The following IL26 variants were observed in gnomAD, a reference collection of about 807,000 sequenced individuals.
IL26 encodes the protein interleukin-26.
Under a neutral mutation model 21.7 loss-of-function variants are expected in IL26, and 23 were observed. The observed-to-expected ratio is 1.06, with a 90% CI of 0.76 to 1.50. The LOEUF is 1.50. IL26 is among the 40% of genes most tolerant of loss of function. The pLI is 0.00. For missense variants in IL26, 204 were observed against 196.0 expected (o/e 1.04, Z -0.24); for synonymous variants, 63 against 67.8 (o/e 0.93, Z 0.34).
At chr12:68,207,661 T>C (rs1868581249) in intron 3 of IL26, among the ~76,000 whole-genome samples, 1 of 152,176 alleles carries the variant, frequency 6.6e-6, no homozygotes, top group African/African-American at 2.4e-5. Flanking sequence ...TTTGAACACA[T>C]TGATTGGTAG....
At chr12:68,219,340 G>A (rs1029576285) in intron 3 of IL26, among the ~76,000 whole-genome samples, 4 of 151,768 alleles carry the variant, frequency 2.6e-5, no homozygotes, top group African/African-American at 9.7e-5. Flanking sequence ...ATGGTCTCTG[G>A]CCAAAATGAT....
chr12:68,209,460 A>G (rs1407544490), intron 3 of IL26, among the ~76,000 whole-genome samples: 1 of 152,202 alleles, frequency 6.6e-6, no homozygotes, highest in African/African-American at 2.4e-5. Context: ...CTCAAGATAC[A>G]ATCGATCCTG....
chr12:68,216,922 A>G (rs1036689620), intron 3 of IL26, among the ~76,000 whole-genome samples: 6 of 152,230 alleles, frequency 3.9e-5, no homozygotes, highest in African/African-American at 4.8e-5. Context: ...ATCACTAGCA[A>G]TTAGGTAAAT....
At chr12:68,215,041 A>G (rs553110040) in intron 3 of IL26, among the ~76,000 whole-genome samples, 6 of 149,760 alleles carry the variant, frequency 4.0e-5, no homozygotes, top group South Asian at 2.1e-4. Flanking sequence ...CGAGGCTTAC[A>G]AAAAAACCTC....
intron 3 of IL26, among the ~76,000 whole-genome samples, chr12:68,215,689 A>T (rs953769779): frequency 6.6e-6 from 1 of 152,006 alleles, no homozygotes; most frequent in African/African-American, 2.4e-5. Flanking sequence ...TTTTCTTGAG[A>T]CAGAATCTCC....
At chr12:68,201,954 A>T (rs1399336603) in intron 4 of IL26, 23 bp from the exon 5 acceptor site, 1 of 1,571,762 alleles carries the variant, frequency 6.4e-7, no homozygotes, top group Non-Finnish European at 8.6e-7. Flanking sequence ...TACAGATATA[A>T]GAGAATAAAT....
At chr12:68,211,493 A>G (rs1868728697) in intron 3 of IL26, among the ~76,000 whole-genome samples, 1 of 152,140 alleles carries the variant, frequency 6.6e-6, no homozygotes, top group South Asian at 2.1e-4. Flanking sequence ...ACTGTTTTCC[A>G]TAGCGGTTAT....
Position 68,223,884 on chromosome 12 carries a change from GTTT to G in IL26, c.363+1262_363+1264del, listed in dbSNP as rs376115904. Among the ~76,000 whole-genome samples, 20 of 132,256 alleles carry G rather than the reference GTTT, an allele frequency of 1.5e-4. No homozygotes were observed. In the South Asian group the frequency reaches 4.7e-3, roughly 31 times the overall value. The allele number at this position is 132,256 out of a possible 152,430, so 86.8% of individuals were successfully genotyped here. A position where few individuals can be genotyped will look rare whatever the true frequency, so the allele number is the denominator to read the frequency against. ...AGAAATAGAGAACTTAAATTTGGTGGTTTTTTTTTTTTTTTTTTGCTTGTTTTT... is the reference window on the plus strand; with the variant it reads ...AGAAATAGAGAACTTAAATTTGGTGGTTTTTTTTTTTTTTTGCTTGTTTTT... On this transcript the variant is annotated intron_variant, in intron 3 of 4. Coordinates refer to ENST00000229134, the MANE Select transcript of IL26 (RefSeq NM_018402.2).
intron 3 of IL26, 132 bp downstream of exon 3, chr12:68,225,016 TC>T: frequency 1.3e-6 from 1 of 760,464 alleles, no homozygotes; most frequent in Non-Finnish European, 2.1e-6. Context: ...GGTGATGACC[TC>T]TCCATTTGGA....
At chr12:68,218,271 G>A (rs764701667) in intron 3 of IL26, among the ~76,000 whole-genome samples, 2 of 151,974 alleles carry the variant, frequency 1.3e-5, no homozygotes, top group African/African-American at 2.4e-5. Context: ...AACCCAGAGT[G>A]GACACAAATG....
chr12:68,204,141 A>ATTTTTTTTTTTTTTTTTTTTATTTTTTTT (rs6144754), intron 3 of IL26, among the ~76,000 whole-genome samples: 1 of 113,216 alleles, frequency 8.8e-6, no homozygotes. Context: ...GGATTCAAAG[A>ATTTTTTTTTTTTTTTTTTTTATTTTTTTT]TTTTTTTTTT....
At chr12:68,222,087 A>T (rs1026917229) in intron 3 of IL26, among the ~76,000 whole-genome samples, 10 of 152,336 alleles carry the variant, frequency 6.6e-5, no homozygotes, top group African/African-American at 2.4e-4. Flanking sequence ...TCTTTTAATA[A>T]CTCTGGTATC....
chr12:68,216,253 T>G (rs1206082211), intron 3 of IL26, among the ~76,000 whole-genome samples: 3 of 151,952 alleles, frequency 2.0e-5, no homozygotes, highest in Non-Finnish European at 4.4e-5. Context: ...ATTGCACCAC[T>G]GCACTCCAGC....
In IL26 at chr12:68,223,480, G is replaced by C. The variant is rs11570987; in HGVS notation, c.363+1669C>G. ...TTCATCTAGAATATTGTTCGTTTTA[G>C]GTTATAACTGTCGCTATGTGTTCTC... On this transcript the variant is annotated intron_variant, in intron 3 of 4. Transcript: ENST00000229134. 9.3e-3 allele frequency among the ~76,000 whole-genome samples: 1,413 copies of C among 152,226 alleles called. 29 individuals carry two copies. Among genetic ancestry groups the C allele is most frequent in the African/African-American group, 0.031 (1,303 of 41,518 alleles).
intron 3 of IL26, among the ~76,000 whole-genome samples, chr12:68,218,776 T>C (rs11571010): frequency 0.032 from 4,855 of 152,068 alleles, 265 homozygotes; most frequent in African/African-American, 0.11. Context: ...TCAATTCACA[T>C]CATAATCAAA....
At chr12:68,211,332 T>C (rs11571032) in intron 3 of IL26, among the ~76,000 whole-genome samples, 2,832 of 152,330 alleles carry the variant, frequency 0.019, 80 homozygotes, top group African/African-American at 0.064. Flanking sequence ...ATTGATTCCA[T>C]ATGTTGGCTA....
rs773111449 is a variant in IL26, at chr12:68,225,603, G to C, written c.154C>G (p.Leu52Val). ...ATACTTACTGGAATCGTTGCTTTGA[G>C]CCATGCTGCTTTGATATAGAGAGCG... The part of the protein sequence containing the change: ...VDALYIKAAW[L>V]KATIPEDRIK... The change falls in exon 1 of 5, where the codon CTC (leucine) becomes GTC (valine). Residue 52 changes from leucine to valine, a missense_variant. Leu to Val is a conservative substitution (Grantham distance 32). Transcript: ENST00000229134. 1.2e-6 allele frequency: 2 copies of C among 1,613,962 alleles called. No homozygotes were observed. Among genetic ancestry groups the C allele is most frequent in the East Asian group, 4.5e-5 (2 of 44,890 alleles).
chr12:68,208,098 G>A (rs1028127148), intron 3 of IL26, among the ~76,000 whole-genome samples: 2 of 152,114 alleles, frequency 1.3e-5, no homozygotes, highest in Admixed American at 6.5e-5. Context: ...TACACTTGAG[G>A]CCTCACAGTC....
At chr12:68,222,291 A>T (rs1429871398) in intron 3 of IL26, among the ~76,000 whole-genome samples, 1 of 152,216 alleles carries the variant, frequency 6.6e-6, no homozygotes, top group African/African-American at 2.4e-5. Context: ...TTGCTTTTTT[A>T]AAATTATTCC....
Sources: gnomAD v4.1 joint callset for allele counts (sites outside exome capture counted in the v4.1 genomes callset) on GRCh38, gnomAD v4.1.1 for gene constraint, MANE v1.5 for transcripts, NCBI Gene and HGNC (gene_info 2026-07-23, HGNC 2026-07-21) for gene names.